Variants in ADAMTS18 observed in about 807,000 individuals in gnomAD.
ADAMTS18 encodes the protein A disintegrin and metalloproteinase with thrombospondin motifs 18.
A neutral mutation model predicts 165.9 loss-of-function variants in ADAMTS18; 157 were observed. The observed-to-expected ratio is 0.95, with a 90% confidence interval of 0.83 to 1.08. ADAMTS18 has a LOEUF of 1.08. Among genes scored for constraint, ADAMTS18 ranks in the 50% least tolerant of loss-of-function variants. The pLI, the probability that ADAMTS18 is intolerant of heterozygous loss-of-function variation, is 0.00. For synonymous variants in ADAMTS18, 782 were observed against 578.2 expected (o/e 1.35, Z -5.06); for missense variants, 2,040 against 1,534.0 (o/e 1.33, Z -5.51).
chr16:77,302,860 C>G (rs1227081779), intron 16 of ADAMTS18, among the ~76,000 whole-genome samples: 2 of 152,012 alleles, frequency 1.3e-5, no homozygotes, highest in Non-Finnish European at 2.9e-5. Flanking sequence ...TTGCTGTGAA[C>G]AGCAGGATGT....
intron 16 of ADAMTS18, among the ~76,000 whole-genome samples, chr16:77,314,694 C>G (rs1376122042): frequency 8.2e-6 from 1 of 121,642 alleles, no homozygotes; most frequent in African/African-American, 3.2e-5. Context: ...ATAGATAGTG[C>G]GGGCCTAAGG....
At chr16:77,320,161 C>T (rs897565822) in intron 15 of ADAMTS18, 68 bp from the exon 16 acceptor site, 1 of 1,589,132 alleles carries the variant, frequency 6.3e-7, no homozygotes. Flanking sequence ...CTAGAAATGG[C>T]CCGACATGTA....
At chr16:77,297,983 G>A (rs2144585452) in intron 17 of ADAMTS18, among the ~76,000 whole-genome samples, 1 of 139,850 alleles carries the variant, frequency 7.2e-6, no homozygotes, top group African/African-American at 2.8e-5. Flanking sequence ...GGAGTGCAGT[G>A]GCGTGATCTT....
chr16:77,313,574 A>C (rs909610376), intron 16 of ADAMTS18, among the ~76,000 whole-genome samples: 2 of 152,132 alleles, frequency 1.3e-5, no homozygotes, highest in Non-Finnish European at 2.9e-5. Context: ...AGAGACGAAC[A>C]ACAGAAAAAA....
chr16:77,425,309 G>A (rs1257681475), intron 3 of ADAMTS18, among the ~76,000 whole-genome samples: 3 of 152,200 alleles, frequency 2.0e-5, no homozygotes, highest in African/African-American at 4.8e-5. Flanking sequence ...ATTGGATGAT[G>A]CATCAGGAAT....
intron 16 of ADAMTS18, among the ~76,000 whole-genome samples, chr16:77,307,114 A>C (rs1283973389): frequency 6.6e-6 from 1 of 152,222 alleles, no homozygotes; most frequent in Non-Finnish European, 1.5e-5. Flanking sequence ...CTCCTCAATC[A>C]ATTTTCCCCT....
chr16:77,425,347 C>G (rs1380597915), intron 3 of ADAMTS18, among the ~76,000 whole-genome samples: 2 of 152,100 alleles, frequency 1.3e-5, no homozygotes, highest in African/African-American at 4.8e-5. Flanking sequence ...CTCATGGCAG[C>G]CTTGATCACG....
At chr16:77,346,297 C>T (rs935349926) in intron 10 of ADAMTS18, among the ~76,000 whole-genome samples, 9 of 152,222 alleles carry the variant, frequency 5.9e-5, no homozygotes, top group Admixed American at 4.6e-4. Flanking sequence ...CCACTAGCCA[C>T]GAGAGTACAG....
intron 3 of ADAMTS18, among the ~76,000 whole-genome samples, chr16:77,373,947 G>T (rs1213207292): frequency 1.3e-5 from 2 of 152,180 alleles, no homozygotes; most frequent in Non-Finnish European, 1.5e-5. Context: ...GGCAGGGCAT[G>T]GTGGCTCACA....
chr16:77,422,037 A>G (rs142828000), intron 3 of ADAMTS18, among the ~76,000 whole-genome samples: 2 of 152,112 alleles, frequency 1.3e-5, no homozygotes. Context: ...CACACACACA[A>G]CTTCCAGAAA....
intron 3 of ADAMTS18, among the ~76,000 whole-genome samples, chr16:77,406,287 T>A (rs2057392372): frequency 6.6e-6 from 1 of 152,122 alleles, no homozygotes; most frequent in Admixed American, 6.6e-5. Context: ...GAAAATATAA[T>A]GTATAGGTAT....
intron 4 of ADAMTS18, among the ~76,000 whole-genome samples, chr16:77,365,571 C>T (rs2056781287): frequency 6.6e-6 from 1 of 152,084 alleles, no homozygotes. Flanking sequence ...GGGTGCGCAC[C>T]AAGTTAACAG....
chr16:77,377,432 A>G (rs2056969386), intron 3 of ADAMTS18, among the ~76,000 whole-genome samples: 1 of 152,244 alleles, frequency 6.6e-6, no homozygotes, highest in Non-Finnish European at 1.5e-5. Context: ...ATTTCTACCT[A>G]TTAAATAATC....
chr16:77,291,410 T>C lies in ADAMTS18; in HGVS notation c.3258A>G (p.Gly1086=). Residue 1086 remains glycine (G), a synonymous_variant, in exon 21 of 23, where the codon GGA becomes GGG. Coordinates refer to ENST00000282849, the MANE Select transcript of ADAMTS18 (RefSeq NM_199355.4). ...TTCGCTCTGGGAAAGTTATCAGCTT[T>C]CCCTGGAAGCCCTTCTCGCTGCACT... The part of the protein sequence containing the change: ...EMKCSEKGFQ[G]KLITFPERRC... 6.2e-7 allele frequency: 1 copy of C among 1,614,168 alleles called. No individual in the cohort carries two copies. Among genetic ancestry groups the C allele is most frequent in the Non-Finnish European group, 8.5e-7 (1 of 1,180,016 alleles).
At chr16:77,289,176 A>G (rs899588696) in intron 22 of ADAMTS18, 88 bp downstream of exon 22, 2 of 1,521,384 alleles carry the variant, frequency 1.3e-6, no homozygotes, top group Admixed American at 1.7e-5. Flanking sequence ...GAGTTGTACA[A>G]TGTCACAGGC....
At chr16:77,335,578 T>C (rs930824666) in intron 12 of ADAMTS18, among the ~76,000 whole-genome samples, 178 bp downstream of exon 12, 1 of 152,170 alleles carries the variant, frequency 6.6e-6, no homozygotes, top group African/African-American at 2.4e-5. Context: ...GATTTGATCA[T>C]TCCACATTGT....
In ADAMTS18 at chr16:77,408,100, A is replaced by T. The variant is rs180864013; in HGVS notation, c.495+23195T>A. ...AAAGAGGATATCTAAATGTCCAGTA[A>T]ATGTGAAAAATTTGCTCAACTTCTT... On this transcript the variant is annotated intron_variant, in intron 3 of 22. Transcript: ENST00000282849. Among the ~76,000 whole-genome samples the T allele has an allele frequency of 8.5e-4, 130 of 152,258 alleles. 1 individual carries two copies. Among genetic ancestry groups the T allele is most frequent in the African/African-American group, 2.7e-3 (112 of 41,560 alleles).
intron 3 of ADAMTS18, among the ~76,000 whole-genome samples, chr16:77,421,689 C>T (rs764880474): frequency 5.9e-5 from 9 of 152,148 alleles, no homozygotes; most frequent in African/African-American, 1.2e-4. Context: ...TGTTGGTAAG[C>T]CATATCTGGC....
At chr16:77,292,735 G>A (rs79539289) in intron 20 of ADAMTS18, among the ~76,000 whole-genome samples, 2,462 of 152,304 alleles carry the variant, frequency 0.016, 64 homozygotes, top group African/African-American at 0.056. Flanking sequence ...GAAGTAGCAG[G>A]CATTTGGTAT....
Sources: gnomAD v4.1 joint callset for allele counts (sites outside exome capture counted in the v4.1 genomes callset) on GRCh38, gnomAD v4.1.1 for gene constraint, MANE v1.5 for transcripts, NCBI Gene and HGNC (gene_info 2026-07-23, HGNC 2026-07-21) for gene names.